Variants in TENM2 observed in about 807,000 individuals in gnomAD.
TENM2 encodes the protein teneurin transmembrane protein 2.
A neutral mutation model predicts 245.2 loss-of-function variants in TENM2; 52 were observed. The observed-to-expected ratio is 0.21, with a 90% CI of 0.17 to 0.27. TENM2 has a LOEUF of 0.27. Ranked by LOEUF, TENM2 falls within the 10% of genes least tolerant of loss-of-function variation. TENM2 has a pLI of 1.00. For synonymous variants in TENM2, 1,363 were observed against 1,438.9 expected (o/e 0.95, Z 1.19); for missense variants, 3,046 against 3,666.8 (o/e 0.83, Z 4.37).
chr5:168,015,358 C>G (rs942173907), intron 5 of TENM2, among the ~76,000 whole-genome samples: 2 of 152,214 alleles, frequency 1.3e-5, no homozygotes, highest in African/African-American at 4.8e-5. Context: ...GGGGAAAGAA[C>G]TTGTCCACGA....
intron 1 of TENM2, among the ~76,000 whole-genome samples, chr5:167,295,629 T>A (rs983726725): frequency 6.6e-6 from 1 of 152,192 alleles, no homozygotes; most frequent in Non-Finnish European, 1.5e-5. Flanking sequence ...ATTTTCAATG[T>A]CATGTTTTAG....
intron 2 of TENM2, among the ~76,000 whole-genome samples, chr5:167,399,557 G>A (rs1026181184): frequency 2.6e-5 from 4 of 152,218 alleles, no homozygotes; most frequent in African/African-American, 9.6e-5. Flanking sequence ...AATGGTGACA[G>A]GAGGTGGCAT....
chr5:167,576,674 T>C (rs1774712032), intron 2 of TENM2, among the ~76,000 whole-genome samples: 1 of 152,108 alleles, frequency 6.6e-6, no homozygotes, highest in Non-Finnish European at 1.5e-5. Flanking sequence ...AGAACTGAAA[T>C]AGAATACCCT....
intron 5 of TENM2, among the ~76,000 whole-genome samples, chr5:168,025,002 A>C (rs1786475577): frequency 6.6e-6 from 1 of 152,230 alleles, no homozygotes; most frequent in South Asian, 2.1e-4. Flanking sequence ...CCAGGTGCTT[A>C]TCAGGTCATT....
At chr5:167,011,890 C>T in the TENM2 span, among the ~76,000 whole-genome samples, 3 of 152,178 alleles carry the variant, frequency 2.0e-5, no homozygotes, top group African/African-American at 7.2e-5. Flanking sequence ...AGGTTATTGA[C>T]TTGTAAAAGT....
chr5:167,872,549 AG>A (rs1472302014), intron 2 of TENM2, among the ~76,000 whole-genome samples: 5 of 27,628 alleles, frequency 1.8e-4, no homozygotes, highest in African/African-American at 3.1e-4. Flanking sequence ...AGAAAGAAAG[AG>A]AAAGAAAGAA....
exon 29 of TENM2, chr5:168,262,822 G>C (rs1473309823): frequency 6.3e-7 from 1 of 1,581,106 alleles, no homozygotes; most frequent in Non-Finnish European, 8.6e-7. Flanking sequence ...AAAATAATCT[G>C]CTGCCATTCC....
At chr5:167,284,894 G>A (rs1771247253) in exon 1 of TENM2, 1 of 1,551,678 alleles carries the variant, frequency 6.4e-7, no homozygotes, top group Non-Finnish European at 8.7e-7. Context: ...GTGGCAAAGA[G>A]TGTCGCTACA....
At chr5:167,959,832 G>A (rs1780862663) in intron 4 of TENM2, among the ~76,000 whole-genome samples, 1 of 152,168 alleles carries the variant, frequency 6.6e-6, no homozygotes, top group African/African-American at 2.4e-5. Flanking sequence ...CCTCATCTGT[G>A]TGGATTTATC....
At chr5:167,427,271 G>A (rs913892127) in intron 2 of TENM2, among the ~76,000 whole-genome samples, 1 of 152,098 alleles carries the variant, frequency 6.6e-6, no homozygotes, top group African/African-American at 2.4e-5. Context: ...TGGCCAACAG[G>A]GTGAAACCCC....
chr5:167,894,676 C>T (rs1561906281), intron 3 of TENM2, among the ~76,000 whole-genome samples: 2 of 152,076 alleles, frequency 1.3e-5, no homozygotes, highest in South Asian at 4.1e-4. Flanking sequence ...CCAACAGTGC[C>T]CTGCACTTAG....
chr5:166,993,010 C>T, the TENM2 span, among the ~76,000 whole-genome samples: 1 of 152,018 alleles, frequency 6.6e-6, no homozygotes, highest in African/African-American at 2.4e-5. Context: ...CAGTGCCATG[C>T]GTGGCCTTTC....
the TENM2 span, among the ~76,000 whole-genome samples, chr5:167,029,955 G>C: frequency 6.3e-4 from 96 of 152,256 alleles, no homozygotes; most frequent in Non-Finnish European, 1.1e-3. Flanking sequence ...CAATGCATGG[G>C]ATCTTTACCA....
At chr5:167,646,136 T>TTA (rs1414813049) in intron 2 of TENM2, among the ~76,000 whole-genome samples, 59 of 136,054 alleles carry the variant, frequency 4.3e-4, no homozygotes, top group East Asian at 1.6e-3. Context: ...ATATATGTTT[T>TTA]TATATATATA....
chr5:167,571,134 G>T (rs1774241568), intron 2 of TENM2, among the ~76,000 whole-genome samples: 1 of 152,168 alleles, frequency 6.6e-6, no homozygotes, highest in African/African-American at 2.4e-5. Context: ...TGTTGAGTGG[G>T]TTTCCTAACA....
chr5:167,374,615 C>A (rs886198199), intron 1 of TENM2, among the ~76,000 whole-genome samples: 3 of 151,848 alleles, frequency 2.0e-5, no homozygotes, highest in African/African-American at 7.3e-5. Flanking sequence ...GGACGGGCAC[C>A]CAGGTCTTCT....
At chr5:167,553,610 T>C (rs903073576) in intron 2 of TENM2, among the ~76,000 whole-genome samples, 6 of 152,108 alleles carry the variant, frequency 3.9e-5, no homozygotes, top group African/African-American at 1.4e-4. Context: ...TCATATGTGA[T>C]GAAGAAAAGA....
At chr5:167,160,796 T>C in the TENM2 span, among the ~76,000 whole-genome samples, 1 of 152,230 alleles carries the variant, frequency 6.6e-6, no homozygotes, top group East Asian at 1.9e-4. Flanking sequence ...CTGTTTTGTT[T>C]ACTGCAATGT....
At chr5:168,108,389 A>G (rs1581329119) in intron 9 of TENM2, among the ~76,000 whole-genome samples, 1 of 152,242 alleles carries the variant, frequency 6.6e-6, no homozygotes, top group Non-Finnish European at 1.5e-5. Context: ...TTAGAAAATT[A>G]CTTAACCCCT....
Sources: allele counts gnomAD v4.1 joint callset (sites outside exome capture counted in the v4.1 genomes callset), GRCh38; gene constraint gnomAD v4.1.1; transcripts MANE v1.5; gene names NCBI Gene and HGNC (gene_info 2026-07-23, HGNC 2026-07-21).